Variants in CTNNA2 observed in about 807,000 individuals in gnomAD.
The protein encoded by CTNNA2 is catenin alpha 2.
CTNNA2 carries 42 observed loss-of-function variants against 101.0 expected under a neutral mutation model. That is an observed-to-expected ratio of 0.42 (90% CI 0.32 to 0.54). The LOEUF (loss-of-function observed/expected upper bound fraction) is 0.54. CTNNA2 is among the 20% of genes least tolerant of loss of function. The probability of loss-of-function intolerance (pLI) is 0.14; values close to 1 mark genes in which losing one functional copy is unlikely to be tolerated. For synonymous variants in CTNNA2, 450 were observed against 456.4 expected (o/e 0.99, Z 0.18); for missense variants, 871 against 1,223.1 (o/e 0.71, Z 4.29).
intron 7 of CTNNA2, among the ~76,000 whole-genome samples, chr2:79,964,771 C>A (rs1425014162): frequency 6.6e-6 from 1 of 152,100 alleles, no homozygotes; most frequent in African/African-American, 2.4e-5. Flanking sequence ...TTCTTCCCCA[C>A]CCCTCCAGCC....
At chr2:80,423,824 T>G (rs902725161) in intron 9 of CTNNA2, among the ~76,000 whole-genome samples, 1 of 152,196 alleles carries the variant, frequency 6.6e-6, no homozygotes, top group African/African-American at 2.4e-5. Context: ...AGGATTTCTA[T>G]GTGACAGCCA....
intron 4 of CTNNA2, among the ~76,000 whole-genome samples, chr2:79,415,450 A>C (rs1471702656): frequency 6.6e-6 from 1 of 152,168 alleles, no homozygotes; most frequent in East Asian, 1.9e-4. Flanking sequence ...ATGCAAGAAT[A>C]AACTAATACA....
intron 3 of CTNNA2, among the ~76,000 whole-genome samples, chr2:79,367,572 T>G (rs1677777964): frequency 6.6e-6 from 1 of 152,096 alleles, no homozygotes; most frequent in South Asian, 2.1e-4. Context: ...TCTAGACCAC[T>G]GTAGAACTGC....
intron 4 of CTNNA2, among the ~76,000 whole-genome samples, chr2:79,384,874 C>T (rs184418982): frequency 5.3e-4 from 80 of 152,094 alleles, no homozygotes; most frequent in African/African-American, 1.4e-3. Context: ...GAATTTGGTT[C>T]GATATCACAT....
intron 4 of CTNNA2, among the ~76,000 whole-genome samples, chr2:79,400,483 A>G (rs1678278093): frequency 6.6e-6 from 1 of 152,056 alleles, no homozygotes; most frequent in African/African-American, 2.4e-5. Flanking sequence ...GGAAAGTTAA[A>G]AAGTACAATA....
chr2:79,627,936 A>G (rs1043138082), intron 1 of CTNNA2, among the ~76,000 whole-genome samples: 1 of 152,222 alleles, frequency 6.6e-6, no homozygotes, highest in Admixed American at 6.5e-5. Flanking sequence ...ACACTGTGCC[A>G]GCTCATAAGT....
intron 2 of CTNNA2, among the ~76,000 whole-genome samples, chr2:79,258,998 C>T (rs899710404): frequency 7.9e-5 from 12 of 151,946 alleles, no homozygotes; most frequent in African/African-American, 2.7e-4. Context: ...AGGTGTGAAA[C>T]GCATGACCCT....
At chr2:80,240,171 C>A (rs1670809924) in intron 7 of CTNNA2, among the ~76,000 whole-genome samples, 1 of 152,146 alleles carries the variant, frequency 6.6e-6, no homozygotes. Context: ...AGTTCTGGTT[C>A]ATCCCAATGG....
chr2:79,249,003 A>T (rs1263154401), intron 2 of CTNNA2, among the ~76,000 whole-genome samples: 1 of 152,144 alleles, frequency 6.6e-6, no homozygotes, highest in Non-Finnish European at 1.5e-5. Flanking sequence ...TCTCTGCTCT[A>T]ATGTGGACCT....
At chr2:79,862,401 A>G (rs959803335) in intron 4 of CTNNA2, among the ~76,000 whole-genome samples, 5 of 152,172 alleles carry the variant, frequency 3.3e-5, no homozygotes, top group African/African-American at 4.8e-5. Flanking sequence ...AAACAGCCTC[A>G]TGCAGCCTCA....
intron 7 of CTNNA2, among the ~76,000 whole-genome samples, chr2:79,959,623 G>T (rs1443781386): frequency 3.9e-5 from 6 of 152,180 alleles, no homozygotes; most frequent in Non-Finnish European, 8.8e-5. Context: ...TAAACAATCA[G>T]CTACCTTGCT....
intron 7 of CTNNA2, among the ~76,000 whole-genome samples, chr2:80,341,475 AG>A (rs1318095181): frequency 6.6e-6 from 1 of 152,208 alleles, no homozygotes; most frequent in Non-Finnish European, 1.5e-5. Context: ...TTATCCAGAA[AG>A]ACATGCAAAT....
At chr2:79,818,822 TA>T (rs1294130122) in intron 3 of CTNNA2, among the ~76,000 whole-genome samples, 13,377 of 64,936 alleles carry the variant, frequency 0.21, 2,282 homozygotes, top group African/African-American at 0.4. Context: ...AAAATGCAAT[TA>T]TATATATATA....
chr2:79,732,965 C>G (rs1250326788), intron 2 of CTNNA2, among the ~76,000 whole-genome samples: 1 of 152,128 alleles, frequency 6.6e-6, no homozygotes, highest in Admixed American at 6.6e-5. Flanking sequence ...ACACAGCACT[C>G]ACTGATGCTC....
chr2:80,255,480 A>T (rs1379978800), intron 7 of CTNNA2, among the ~76,000 whole-genome samples: 1 of 152,094 alleles, frequency 6.6e-6, no homozygotes, highest in Non-Finnish European at 1.5e-5. Flanking sequence ...CCATATTTAT[A>T]TTTTATAATG....
intron 3 of CTNNA2, among the ~76,000 whole-genome samples, chr2:79,854,106 T>C (rs1680942804): frequency 6.7e-6 from 1 of 148,256 alleles, no homozygotes; most frequent in Non-Finnish European, 1.5e-5. Flanking sequence ...TAAGCACTGA[T>C]TTAAAAGCAG....
Position 79,825,933 on chromosome 2 carries a change from A to T in CTNNA2, c.299-32080A>T, listed in dbSNP as rs1678402764. Among the ~76,000 whole-genome samples, 3 of 152,306 alleles carry T rather than the reference A, an allele frequency of 2.0e-5. No homozygotes were observed. In the South Asian group the frequency reaches 6.2e-4, roughly 32 times the overall value. On this transcript the variant is annotated intron_variant, in intron 3 of 18. Coordinates refer to ENST00000402739, the MANE Select transcript of CTNNA2 (RefSeq NM_001282597.3). ...CAATGTATCATTATACAACATAGTA[A>T]TGCTGTATCTTATATGATATTATAA...
At chr2:80,411,278 TCTC>T (rs958685463) in intron 8 of CTNNA2, among the ~76,000 whole-genome samples, 5 of 152,096 alleles carry the variant, frequency 3.3e-5, no homozygotes, top group African/African-American at 7.2e-5. Context: ...GACCACAAGT[TCTC>T]CTTTTTTTTT....
At chr2:79,247,569 A>C (rs1674715329) in intron 2 of CTNNA2, among the ~76,000 whole-genome samples, 1 of 152,204 alleles carries the variant, frequency 6.6e-6, no homozygotes. Context: ...AATAGTAGTT[A>C]ATCTTGAAAA....
Sources: gnomAD v4.1 joint callset for allele counts (sites outside exome capture counted in the v4.1 genomes callset) on GRCh38, gnomAD v4.1.1 for gene constraint, MANE v1.5 for transcripts, NCBI Gene and HGNC (gene_info 2026-07-23, HGNC 2026-07-21) for gene names.